Variants in METTL22 observed in about 807,000 individuals in gnomAD.
METTL22 encodes the protein methyltransferase-like protein 22.
In METTL22, 51 loss-of-function variants were observed where a neutral mutation model predicts 48.4. That is an observed-to-expected ratio of 1.05 (90% CI 0.84 to 1.33). The LOEUF (loss-of-function observed/expected upper bound fraction) is 1.33, where lower values mean the gene tolerates loss of function less well. Among genes scored for constraint, METTL22 ranks in the 40% most tolerant of loss-of-function variants. The probability of loss-of-function intolerance (pLI) is 0.00; values close to 1 mark genes in which losing one functional copy is unlikely to be tolerated. For missense variants in METTL22, 678 were observed against 526.9 expected, an observed-to-expected ratio of 1.29 and a Z score of -2.81; for synonymous variants, 255 against 214.1, an observed-to-expected ratio of 1.19 and a Z score of -1.67.
At chr16:8,641,453 C>T (rs766156008) in intron 7 of METTL22, 2 of 579,250 alleles carry the variant, frequency 3.5e-6, no homozygotes, top group East Asian at 3.9e-5. Context: ...ATTGTGAGTG[C>T]AGACTGCCCA....
chr16:8,640,714 G>T (rs2056574156), intron 6 of METTL22, among the ~76,000 whole-genome samples: 1 of 40,080 alleles, frequency 2.5e-5, no homozygotes, highest in Non-Finnish European at 5.0e-5. Context: ...AGGAAGATGG[G>T]TGGGGGGGTG....
At position 8,625,774 on chromosome 16, in the gene METTL22, C is replaced by A; in HGVS notation, c.109C>A (p.Arg37=). Residue 37 remains arginine, a synonymous_variant, in exon 2 of 11, where the codon CGG becomes AGG. Coordinates refer to ENST00000381920, the MANE Select transcript of METTL22 (RefSeq NM_024109.4). The part of the protein sequence containing the change: ...YTPNHRHLMV[R]LNSVGQPVFL... Reference sequence around the variant, plus strand: ...CCCGAACCATAGACATCTCATGGTACGGCTGAACAGCGTGGGGCAGCCAGG... The same window carrying A: ...CCCGAACCATAGACATCTCATGGTAAGGCTGAACAGCGTGGGGCAGCCAGG... The A allele has an allele frequency of 3.7e-6, 6 of 1,614,174 alleles. No individual in the cohort carries two copies. Among genetic ancestry groups the A allele is most frequent in the Admixed American group, 3.3e-5 (2 of 60,022 alleles).
At chr16:8,628,303 T>G (rs1036343417) in intron 2 of METTL22, among the ~76,000 whole-genome samples, 1 of 152,176 alleles carries the variant, frequency 6.6e-6, no homozygotes, top group Non-Finnish European at 1.5e-5. Context: ...GAATGGATGA[T>G]CGGACAGATT....
rs768392092 is a variant in METTL22, at chr16:8,635,271, G to A, written c.659G>A (p.Ser220Asn). Residue 220 changes from serine to asparagine, a missense_variant, in exon 5 of 11, where the codon AGC (serine) becomes AAC (asparagine). By Grantham distance (46) the Ser-to-Asn change is conservative. Coordinates refer to ENST00000381920, the MANE Select transcript of METTL22 (RefSeq NM_024109.4). ...CTCGGGGCCGGCACGGGGCTCGCTAGCATCATCGCAGCCACCATGGCACGG... is the reference window on the plus strand; with the variant it reads ...CTCGGGGCCGGCACGGGGCTCGCTAACATCATCGCAGCCACCATGGCACGG... Reference protein sequence around the residue: ...LELGAGTGLASIIAATMARTV... With the variant: ...LELGAGTGLANIIAATMARTV... 6 of 1,602,708 alleles carry A rather than the reference G, an allele frequency of 3.7e-6. No individual in the cohort carries two copies. Among genetic ancestry groups the A allele is most frequent in the Non-Finnish European group, 5.1e-6 (6 of 1,174,924 alleles).
chr16:8,650,973 A>G (rs1183894212), downstream of METTL22, among the ~76,000 whole-genome samples: 1 of 152,216 alleles, frequency 6.6e-6, no homozygotes, highest in African/African-American at 2.4e-5. Flanking sequence ...GTGAGCTAAG[A>G]TTGCACCATT....
chr16:8,649,960 T>A (rs1730980), downstream of METTL22, among the ~76,000 whole-genome samples: 1 of 152,208 alleles, frequency 6.6e-6, no homozygotes, highest in Admixed American at 6.5e-5. Context: ...AGCTCCCGGG[T>A]GATGCTGATG....
chr16:8,625,592 G>C lies in METTL22; in HGVS notation c.-74G>C, dbSNP rs1596330506. Reference sequence around the variant, plus strand: ...TGGACCTGTCTGCAGTATCTCCTCTGGGACCTGCCATGCTGAGGACCCATT... The same window carrying C: ...TGGACCTGTCTGCAGTATCTCCTCTCGGACCTGCCATGCTGAGGACCCATT... On this transcript the variant is annotated 5_prime_UTR_variant, in exon 2 of 11. Transcript: ENST00000381920. 4.6e-6 allele frequency: 7 copies of C among 1,535,878 alleles called. No individual in the cohort carries two copies. The highest frequency in any genetic ancestry group is 6.2e-6 in the Non-Finnish European group (7 of 1,122,486).
At chr16:8,659,406 G>C in the METTL22 span, among the ~76,000 whole-genome samples, 1 of 151,696 alleles carries the variant, frequency 6.6e-6, no homozygotes, top group Non-Finnish European at 1.5e-5. Flanking sequence ...TGACAGAGCT[G>C]GCATCATATG....
rs185929877 is a variant in METTL22, at chr16:8,625,386, T to G, written c.-170-110T>G. Reference sequence around the variant, plus strand: ...TTATAAATGGAAATTCATATCCCTTTCTATAAATAAAAGGTTACTATGAAA... The same window carrying G: ...TTATAAATGGAAATTCATATCCCTTGCTATAAATAAAAGGTTACTATGAAA... On this transcript the variant is annotated intron_variant, in intron 1 of 10. Coordinates refer to ENST00000381920, the MANE Select transcript of METTL22 (RefSeq NM_024109.4). The G allele has an allele frequency of 4.2e-4, 100 of 240,908 alleles. 1 individual carries two copies. The highest frequency in any genetic ancestry group is 2.1e-3 in the African/African-American group (95 of 44,636). The allele number at this position is 240,908 out of a possible 1,614,324, so 14.9% of individuals were successfully genotyped here. A position where few individuals can be genotyped will look rare whatever the true frequency, so the allele number is the denominator to read the frequency against.
intron 9 of METTL22, among the ~76,000 whole-genome samples, chr16:8,644,088 A>T (rs1166481458): frequency 6.7e-6 from 1 of 149,316 alleles, no homozygotes; most frequent in Non-Finnish European, 1.5e-5. Flanking sequence ...TCACTCTCTG[A>T]AATCTCTCAG....
chr16:8,643,283 C>T (rs1032042733), intron 9 of METTL22, among the ~76,000 whole-genome samples: 5 of 152,192 alleles, frequency 3.3e-5, no homozygotes, highest in Non-Finnish European at 4.4e-5. Flanking sequence ...CGAGGGCTTG[C>T]TTTGAGGCAC....
chr16:8,625,911 G>C, intron 2 of METTL22, 113 bp downstream of exon 2: 1 of 1,350,884 alleles, frequency 7.4e-7, no homozygotes, highest in Non-Finnish European at 1.0e-6. Flanking sequence ...GTTATCCTCA[G>C]ACCACTTTTT....
chr16:8,666,999 T>C, the METTL22 span: 1 of 151,976 alleles, frequency 6.6e-6, no homozygotes, highest in East Asian at 1.9e-4. Flanking sequence ...TTTCACTATG[T>C]TAGCCAGGCT....
chr16:8,648,667 A>T lies in METTL22; in HGVS notation c.*2524A>T, dbSNP rs1461218407. 1 of 152,684 alleles carries T rather than the reference A, an allele frequency of 6.5e-6. No individual in the cohort carries two copies. The highest frequency in any genetic ancestry group is 1.5e-5 in the Non-Finnish European group (1 of 68,928). 9.5% of individuals were successfully genotyped at this position (152,684 alleles called of 1,614,324 possible). A position where few individuals can be genotyped will look rare whatever the true frequency, so the allele number is the denominator to read the frequency against. Reference sequence around the variant, plus strand: ...GCCAGGCGTAGTGGCTAACGCCTGTAGTCCCAACTACTCAGAAGGCAAGGT... The same window carrying T: ...GCCAGGCGTAGTGGCTAACGCCTGTTGTCCCAACTACTCAGAAGGCAAGGT... On this transcript the variant is annotated 3_prime_UTR_variant, in exon 11 of 11. Coordinates refer to ENST00000381920, the MANE Select transcript of METTL22 (RefSeq NM_024109.4).
At chr16:8,657,824 C>CTTTTCTTTTTTTTTTT in the METTL22 span, among the ~76,000 whole-genome samples, 2 of 137,434 alleles carry the variant, frequency 1.5e-5, no homozygotes, top group African/African-American at 2.9e-5. Context: ...TCTTTTCTTT[C>CTTTTCTTTTTTTTTTT]TTTTTTTTTT....
At chr16:8,627,638 A>G (rs1250727389) in intron 2 of METTL22, among the ~76,000 whole-genome samples, 2 of 152,216 alleles carry the variant, frequency 1.3e-5, no homozygotes, top group African/African-American at 2.4e-5. Context: ...AAAGAGTTTT[A>G]TGAAGCCACA....
At chr16:8,662,136 G>A in the METTL22 span, among the ~76,000 whole-genome samples, 4 of 145,580 alleles carry the variant, frequency 2.7e-5, no homozygotes, top group Non-Finnish European at 4.5e-5. Flanking sequence ...CAGCTACTCA[G>A]GAGGCCAAGG....
At chr16:8,634,948 G>A (rs530519244) in intron 3 of METTL22, 91 bp from the exon 4 acceptor site, 266 of 1,541,494 alleles carry the variant, frequency 1.7e-4, no homozygotes, top group African/African-American at 3.8e-4. Context: ...CCATCTGACC[G>A]TGCTGGCGGT....
intron 5 of METTL22, among the ~76,000 whole-genome samples, chr16:8,637,973 A>C (rs2056472580): frequency 1.7e-5 from 1 of 57,576 alleles, no homozygotes; most frequent in South Asian, 1.1e-3. Context: ...CCCCATCTGT[A>C]CTAAAAATAC....
Sources: allele counts gnomAD v4.1 joint callset (sites outside exome capture counted in the v4.1 genomes callset), GRCh38; gene constraint gnomAD v4.1.1; transcripts MANE v1.5; gene names NCBI Gene and HGNC (gene_info 2026-07-23, HGNC 2026-07-21).